The following ARHGAP28 variants were observed in gnomAD, a reference collection of about 807,000 sequenced individuals.
ARHGAP28 encodes rho GTPase-activating protein 28.
A neutral mutation model predicts 90.7 loss-of-function variants in ARHGAP28; 56 were observed. The ratio of observed to expected loss-of-function variants is 0.62; its 90% confidence interval spans 0.50 to 0.77. The LOEUF (loss-of-function observed/expected upper bound fraction) is 0.77. Among genes scored for constraint, ARHGAP28 ranks in the 30% least tolerant of loss-of-function variants. The pLI is 0.00. For synonymous variants in ARHGAP28, 308 were observed against 323.3 expected (o/e 0.95, Z 0.51); for missense variants, 869 against 900.9 (o/e 0.96, Z 0.45).
chr18:6,816,639 T>C (rs2056592674), intron 1 of ARHGAP28, among the ~76,000 whole-genome samples: 1 of 152,228 alleles, frequency 6.6e-6, no homozygotes, highest in South Asian at 2.1e-4. Flanking sequence ...CCAAAACTCA[T>C]GGAATCTGTT....
intron 1 of ARHGAP28, among the ~76,000 whole-genome samples, chr18:6,804,312 C>T (rs2056503365): frequency 6.6e-6 from 1 of 152,030 alleles, no homozygotes; most frequent in Non-Finnish European, 1.5e-5. Flanking sequence ...CTGGTATTAC[C>T]AATTTATGTC....
At chr18:6,903,703 C>T (rs772086246) in intron 16 of ARHGAP28, among the ~76,000 whole-genome samples, 4 of 151,282 alleles carry the variant, frequency 2.6e-5, no homozygotes, top group Admixed American at 6.6e-5. Flanking sequence ...TGGTGGTGGG[C>T]GCCTGTAATC....
chr18:6,892,630 C>G (rs575320165), intron 14 of ARHGAP28, among the ~76,000 whole-genome samples: 18 of 152,120 alleles, frequency 1.2e-4, no homozygotes, highest in Non-Finnish European at 1.5e-5. Flanking sequence ...AGATTCTTCT[C>G]CCTCCTCAGG....
At chr18:6,827,142 C>A (rs2056671539) in intron 2 of ARHGAP28, among the ~76,000 whole-genome samples, 1 of 152,228 alleles carries the variant, frequency 6.6e-6, no homozygotes, top group South Asian at 2.1e-4. Flanking sequence ...CCACCTTTCC[C>A]CGCTTTCTAT....
intron 2 of ARHGAP28, among the ~76,000 whole-genome samples, chr18:6,826,969 A>C (rs1055719516): frequency 6.6e-6 from 1 of 152,130 alleles, no homozygotes; most frequent in Non-Finnish European, 1.5e-5. Flanking sequence ...CCATGAGTGG[A>C]CACAACACAT....
intron 1 of ARHGAP28, among the ~76,000 whole-genome samples, chr18:6,736,412 T>G (rs887834887): frequency 6.6e-6 from 1 of 152,052 alleles, no homozygotes; most frequent in African/African-American, 2.4e-5. Context: ...ATTTCTGTGA[T>G]TTTTTGGAAG....
At chr18:6,878,903 T>G (rs1326299422) in intron 10 of ARHGAP28, among the ~76,000 whole-genome samples, 1 of 152,232 alleles carries the variant, frequency 6.6e-6, no homozygotes, top group Non-Finnish European at 1.5e-5. Flanking sequence ...TACCTCCTTT[T>G]TTGTAATTCA....
At chr18:6,755,720 C>T (rs2056103783) in intron 1 of ARHGAP28, among the ~76,000 whole-genome samples, 1 of 152,116 alleles carries the variant, frequency 6.6e-6, no homozygotes, top group Admixed American at 6.6e-5. Context: ...CTGAGCAAAC[C>T]AGAACATGTG....
At chr18:6,889,474 C>T (rs2057247259) in intron 12 of ARHGAP28, among the ~76,000 whole-genome samples, 1 of 152,146 alleles carries the variant, frequency 6.6e-6, no homozygotes, top group Non-Finnish European at 1.5e-5. Context: ...TAGTTTTCAA[C>T]AGCAATGCTT....
chr18:6,873,115 G>A (rs2057102891), intron 7 of ARHGAP28, among the ~76,000 whole-genome samples: 1 of 152,180 alleles, frequency 6.6e-6, no homozygotes, highest in Non-Finnish European at 1.5e-5. Context: ...TGCCTGACAT[G>A]TATGTTGTTT....
chr18:6,863,480 T>G (rs1309512595), intron 5 of ARHGAP28, among the ~76,000 whole-genome samples: 1 of 151,560 alleles, frequency 6.6e-6, no homozygotes, highest in Non-Finnish European at 1.5e-5. Context: ...TGTTATTCTT[T>G]TATTAAACTG....
intron 3 of ARHGAP28, among the ~76,000 whole-genome samples, chr18:6,849,637 G>A (rs559927219): frequency 6.6e-6 from 1 of 152,010 alleles, no homozygotes; most frequent in Non-Finnish European, 1.5e-5. Flanking sequence ...GCCCTAAATC[G>A]GTTTCCTACA....
Position 6,908,977 on chromosome 18 carries a change from G to A in ARHGAP28, c.2048G>A (p.Cys683Tyr), listed in dbSNP as rs116232392. 7,203 of 1,544,338 alleles carry A rather than the reference G, an allele frequency of 4.7e-3. 254 individuals are homozygous for A. The African/African-American group carries it at 0.079, about 17-fold the overall frequency. ...TTTTTCAGTCATGGTTCATCAGAAT[G>A]TATTAAGATTCAGAACCAAAGGTTA... ...QYENSHGSSE[C>Y]IKIQNQRLYE... The change falls in exon 17 of 18, where the codon TGT becomes TAT. Residue 683 changes from cysteine (C) to tyrosine (Y), a missense_variant. By Grantham distance (194) the Cys-to-Tyr change is radical. Coordinates refer to ENST00000383472, the MANE Select transcript of ARHGAP28 (RefSeq NM_001366230.1).
At chr18:6,742,169 CTTTTT>C (rs554288921) in intron 1 of ARHGAP28, among the ~76,000 whole-genome samples, 4 of 138,744 alleles carry the variant, frequency 2.9e-5, no homozygotes, top group Non-Finnish European at 6.2e-5. Context: ...TTTTCTTTTT[CTTTTT>C]TTTTTTTTTG....
intron 3 of ARHGAP28, chr18:6,850,707 C>A: frequency 1.0e-6 from 1 of 960,534 alleles, no homozygotes; most frequent in Non-Finnish European, 1.5e-6. Context: ...CATGATCACA[C>A]TCAGTCTTTT....
At chr18:6,871,617 C>T (rs1244766036) in intron 7 of ARHGAP28, among the ~76,000 whole-genome samples, 1 of 152,264 alleles carries the variant, frequency 6.6e-6, no homozygotes, top group Non-Finnish European at 1.5e-5. Flanking sequence ...GGTCTGTTTG[C>T]CATTCAACCA....
intron 1 of ARHGAP28, among the ~76,000 whole-genome samples, chr18:6,806,200 C>A (rs1056138144): frequency 3.9e-4 from 59 of 152,166 alleles, no homozygotes; most frequent in African/African-American, 1.3e-3. Flanking sequence ...GACTATTTTT[C>A]CTTTTTTCAT....
chr18:6,810,362 C>G (rs1377637594), intron 1 of ARHGAP28, among the ~76,000 whole-genome samples: 1 of 152,118 alleles, frequency 6.6e-6, no homozygotes, highest in Non-Finnish European at 1.5e-5. Context: ...TGAACAAAGG[C>G]ACCCAGTCAT....
At chr18:6,788,926 T>G (rs2056386361) in intron 1 of ARHGAP28, 1 of 152,190 alleles carries the variant, frequency 6.6e-6, no homozygotes, top group Non-Finnish European at 1.5e-5. Flanking sequence ...TCCACAACAG[T>G]GTTTGGGAAG....
Sources: gnomAD v4.1 joint callset for allele counts (sites outside exome capture counted in the v4.1 genomes callset) on GRCh38, gnomAD v4.1.1 for gene constraint, MANE v1.5 for transcripts, NCBI Gene and HGNC (gene_info 2026-07-23, HGNC 2026-07-21) for gene names.